PTPRG: variants seen among roughly 807,000 people sequenced by gnomAD.
The protein encoded by PTPRG is protein tyrosine phosphatase receptor type G.
In PTPRG, 102 loss-of-function variants were observed where a neutral mutation model predicts 165.3. The ratio of observed to expected loss-of-function variants is 0.62; its 90% CI spans 0.53 to 0.73. PTPRG has a LOEUF of 0.73. Ranked by LOEUF, PTPRG falls within the 30% of genes least tolerant of loss-of-function variation. The probability of loss-of-function intolerance (pLI) is 0.00; values close to 1 mark genes in which losing one functional copy is unlikely to be tolerated. For synonymous variants in PTPRG, 675 were observed against 669.5 expected (o/e 1.01, Z -0.13); for missense variants, 1,866 against 1,861.4 (o/e 1.00, Z -0.05).
chr3:61,568,674 C>A (rs771339429), intron 1 of PTPRG, among the ~76,000 whole-genome samples: 4 of 151,866 alleles, frequency 2.6e-5, no homozygotes, highest in Non-Finnish European at 5.9e-5. Context: ...TTTTGGGAGG[C>A]CCAGGCGGAC....
chr3:61,674,983 AT>A (rs1559551857), intron 1 of PTPRG, among the ~76,000 whole-genome samples: 1 of 152,214 alleles, frequency 6.6e-6, no homozygotes, highest in Non-Finnish European at 1.5e-5. Flanking sequence ...GTTAAAATAA[AT>A]TAGAACAGGA....
intron 1 of PTPRG, among the ~76,000 whole-genome samples, chr3:61,727,834 G>A (rs181956801): frequency 7.2e-5 from 11 of 152,232 alleles, no homozygotes; most frequent in African/African-American, 2.6e-4. Context: ...CTGAAATTTC[G>A]GAGAATTTTT....
intron 1 of PTPRG, among the ~76,000 whole-genome samples, chr3:61,585,919 T>A (rs1408051697): frequency 1.3e-4 from 20 of 152,350 alleles, no homozygotes. Context: ...GTTGGGGACC[T>A]ACTGTGTGCC....
chr3:62,121,233 G>A (rs1388842348), intron 5 of PTPRG, among the ~76,000 whole-genome samples: 2 of 151,918 alleles, frequency 1.3e-5, no homozygotes, highest in Admixed American at 6.6e-5. Flanking sequence ...GATTACAGGC[G>A]TGAGCCACCG....
At chr3:61,658,206 A>G (rs1246961744) in intron 1 of PTPRG, among the ~76,000 whole-genome samples, 1 of 152,190 alleles carries the variant, frequency 6.6e-6, no homozygotes, top group Non-Finnish European at 1.5e-5. Context: ...AAGTTGCCAG[A>G]ATAGGAATGT....
chr3:62,026,603 G>C (rs2041808236), intron 4 of PTPRG, among the ~76,000 whole-genome samples: 1 of 152,100 alleles, frequency 6.6e-6, no homozygotes, highest in Admixed American at 6.5e-5. Context: ...GCATGTATTA[G>C]AGGCCAGGCA....
intron 3 of PTPRG, among the ~76,000 whole-genome samples, chr3:61,997,336 C>T (rs2041062595): frequency 6.6e-6 from 1 of 152,096 alleles, no homozygotes; most frequent in Non-Finnish European, 1.5e-5. Flanking sequence ...CTTTGTTGTT[C>T]TCTCTCTCAA....
intron 2 of PTPRG, among the ~76,000 whole-genome samples, chr3:61,779,674 G>A (rs2034487806): frequency 6.6e-6 from 1 of 151,934 alleles, no homozygotes; most frequent in African/African-American, 2.4e-5. Flanking sequence ...TCATATTTTA[G>A]CTCTTGTTTA....
intron 6 of PTPRG, among the ~76,000 whole-genome samples, chr3:62,151,398 A>G (rs1325593872): frequency 6.6e-6 from 1 of 152,178 alleles, no homozygotes; most frequent in Non-Finnish European, 1.5e-5. Flanking sequence ...AAATGAAAGA[A>G]AGCGTTGGGT....
chr3:61,961,934 C>T (rs138913230), intron 2 of PTPRG, among the ~76,000 whole-genome samples: 3 of 152,316 alleles, frequency 2.0e-5, no homozygotes, highest in East Asian at 3.9e-4. Context: ...ACAGCTCGGG[C>T]TCTGCACTCC....
At chr3:61,813,543 C>CTGTGTGTCTG (rs1553673887) in intron 2 of PTPRG, among the ~76,000 whole-genome samples, 7 of 116,916 alleles carry the variant, frequency 6.0e-5, no homozygotes, top group Non-Finnish European at 1.2e-4. Context: ...AAAAGAAAAT[C>CTGTGTGTCTG]TGTGTGTGTG....
intron 4 of PTPRG, among the ~76,000 whole-genome samples, chr3:62,016,145 G>C (rs966169785): frequency 6.6e-6 from 1 of 152,022 alleles, no homozygotes; most frequent in African/African-American, 2.4e-5. Context: ...AGCAGGATTT[G>C]GCATTCTTAC....
At chr3:62,253,514 G>T (rs1374932153) in intron 15 of PTPRG, among the ~76,000 whole-genome samples, 5 of 152,058 alleles carry the variant, frequency 3.3e-5, no homozygotes. Context: ...CTCCAGCTTT[G>T]TACATAGTAA....
intron 1 of PTPRG, among the ~76,000 whole-genome samples, chr3:61,745,677 C>T (rs1370391552): frequency 1.3e-5 from 2 of 152,236 alleles, no homozygotes. Flanking sequence ...TACCTTTAGA[C>T]AGGCAGTCCT....
chr3:61,607,142 C>T (rs1276213683), intron 1 of PTPRG, among the ~76,000 whole-genome samples: 6 of 152,112 alleles, frequency 3.9e-5, no homozygotes, highest in Admixed American at 1.3e-4. Flanking sequence ...GAGTGACCAG[C>T]ACATCCTACA....
intron 2 of PTPRG, among the ~76,000 whole-genome samples, chr3:61,965,792 A>G (rs2040257302): frequency 6.6e-6 from 1 of 152,248 alleles, no homozygotes; most frequent in African/African-American, 2.4e-5. Context: ...TTTGTAAACA[A>G]GGAAACAGAT....
intron 2 of PTPRG, among the ~76,000 whole-genome samples, chr3:61,971,627 TA>T (rs2040386514): frequency 6.6e-6 from 1 of 152,228 alleles, no homozygotes; most frequent in South Asian, 2.1e-4. Flanking sequence ...GAAGTTTGAC[TA>T]CATTTTATAA....
At chr3:61,638,900 C>T (rs1230135837) in intron 1 of PTPRG, among the ~76,000 whole-genome samples, 3 of 152,048 alleles carry the variant, frequency 2.0e-5, no homozygotes, top group African/African-American at 7.2e-5. Flanking sequence ...TTTTGCTGTG[C>T]AGAGCCCTTT....
intron 17 of PTPRG, among the ~76,000 whole-genome samples, chr3:62,265,178 C>G (rs1390132626): frequency 6.6e-6 from 1 of 152,096 alleles, no homozygotes; most frequent in African/African-American, 2.4e-5. Context: ...TTTATATATT[C>G]TGGATACAGA....
Sources: gnomAD v4.1 joint callset for allele counts (sites outside exome capture counted in the v4.1 genomes callset) on GRCh38, gnomAD v4.1.1 for gene constraint, MANE v1.5 for transcripts, NCBI Gene and HGNC (gene_info 2026-07-23, HGNC 2026-07-21) for gene names.